The following TNIK variants were observed in gnomAD, a reference collection of about 807,000 sequenced individuals.
TNIK encodes TRAF2 and NCK-interacting protein kinase.
Under a neutral mutation model 191.3 loss-of-function variants are expected in TNIK, and 49 were observed. The observed-to-expected ratio is 0.26, with a 90% confidence interval of 0.20 to 0.32. TNIK has a LOEUF of 0.32. Ranked by LOEUF, TNIK falls within the 10% of genes least tolerant of loss-of-function variation. The probability of loss-of-function intolerance (pLI) is 1.00; values close to 1 mark genes in which losing one functional copy is unlikely to be tolerated. For synonymous variants in TNIK, 594 were observed against 600.9 expected, an observed-to-expected ratio of 0.99 and a Z score of 0.17; for missense variants, 1,155 against 1,702.3, an observed-to-expected ratio of 0.68 and a Z score of 5.66.
chr3:171,069,005 A>T lies in TNIK; in HGVS notation c.3550-8T>A. Reference sequence around the variant, plus strand: ...CTGGAGATCTGCAAAAGACTTTAAAAATCACCCCATTAGTATCCGCATCAC... The same window carrying T: ...CTGGAGATCTGCAAAAGACTTTAAATATCACCCCATTAGTATCCGCATCAC... On this transcript the variant is annotated splice_polypyrimidine_tract_variant and splice_region_variant and intron_variant, in intron 29 of 32. Transcript: ENST00000436636. 6.2e-7 allele frequency: 1 copy of T among 1,610,590 alleles called. No individual in the cohort carries two copies. The highest frequency in any genetic ancestry group is 8.5e-7 in the Non-Finnish European group (1 of 1,178,332).
At chr3:171,392,791 A>AAAAAAAAG (rs1719732676) in intron 1 of TNIK, among the ~76,000 whole-genome samples, 1 of 151,152 alleles carries the variant, frequency 6.6e-6, no homozygotes, top group Non-Finnish European at 1.5e-5. Context: ...AAAAAAAAAA[A>AAAAAAAAG]AAAAGAAAAG....
chr3:171,087,585 A>T (rs931076254), intron 23 of TNIK, 79 bp from the exon 24 acceptor site: 2 of 1,515,704 alleles, frequency 1.3e-6, no homozygotes, highest in African/African-American at 2.7e-5. Flanking sequence ...CACACAGCAT[A>T]GGCATACGGG....
chr3:171,407,537 C>T (rs553283355), intron 1 of TNIK, among the ~76,000 whole-genome samples: 2 of 152,240 alleles, frequency 1.3e-5, no homozygotes, highest in South Asian at 4.2e-4. Flanking sequence ...AATACTCTCC[C>T]AGCCCCTGTT....
intron 2 of TNIK, among the ~76,000 whole-genome samples, chr3:171,234,412 C>T (rs572833586): frequency 2.2e-4 from 33 of 152,302 alleles, no homozygotes; most frequent in African/African-American, 7.9e-4. Flanking sequence ...GGCTCCCAGA[C>T]TTGTGGCAGA....
At chr3:171,263,620 A>G (rs1747961704) in intron 2 of TNIK, among the ~76,000 whole-genome samples, 2 of 152,066 alleles carry the variant, frequency 1.3e-5, no homozygotes, top group African/African-American at 4.8e-5. Flanking sequence ...TTCCTTTAGG[A>G]ATTTTTCCTT....
In TNIK at chr3:171,079,596, G is replaced by A; in HGVS notation, c.3370C>T (p.His1124Tyr). Residue 1124 changes from histidine (H) to tyrosine (Y), a missense_variant, in exon 28 of 33, where the codon CAT becomes TAT. Physicochemically the swap from His to Tyr is moderately conservative, Grantham distance 83 (BLOSUM62 2). This residue lies in a region of TNIK where 195 missense variants were observed against 415.4 expected (regional missense o/e 0.47). Transcript: ENST00000436636. ...TTCTTTTCTACTTCTGGGTCATTAT[G>A]TAGTATTCTGTTTCTTAACCATGAA... The part of the protein sequence containing the change: ...YLSWLRNRIL[H>Y]NDPEVEKKQG... 1.9e-6 allele frequency: 3 copies of A among 1,613,546 alleles called. No homozygotes were observed. The highest frequency in any genetic ancestry group is 2.5e-6 in the Non-Finnish European group (3 of 1,179,702).
At chr3:171,330,438 T>C (rs1296045811) in intron 2 of TNIK, among the ~76,000 whole-genome samples, 2 of 152,206 alleles carry the variant, frequency 1.3e-5, no homozygotes, top group Admixed American at 6.5e-5. Context: ...CCAACCAAAT[T>C]GTCTCTTAAT....
chr3:171,290,663 A>G (rs1176554792), intron 2 of TNIK, among the ~76,000 whole-genome samples: 3 of 152,210 alleles, frequency 2.0e-5, no homozygotes, highest in African/African-American at 7.2e-5. Context: ...CTTTAAGAAA[A>G]GACAATCTCT....
intron 2 of TNIK, among the ~76,000 whole-genome samples, chr3:171,341,660 G>T (rs940854605): frequency 6.6e-6 from 1 of 152,080 alleles, no homozygotes; most frequent in East Asian, 1.9e-4. Flanking sequence ...AAAAAATAAC[G>T]TGATCATTTT....
chr3:171,302,633 C>A (rs1164092349), intron 2 of TNIK, among the ~76,000 whole-genome samples: 1 of 152,046 alleles, frequency 6.6e-6, no homozygotes, highest in African/African-American at 2.4e-5. Flanking sequence ...AGAGCATAGG[C>A]CTTAAATTCT....
intron 28 of TNIK, among the ~76,000 whole-genome samples, chr3:171,078,687 A>G (rs1341696421): frequency 6.6e-6 from 1 of 152,126 alleles, no homozygotes; most frequent in Non-Finnish European, 1.5e-5. Context: ...TGGTATAGAC[A>G]GGCTTATCTT....
At chr3:171,064,126 T>C in intron 32 of TNIK, 162 bp from the exon 33 acceptor site, 2 of 626,164 alleles carry the variant, frequency 3.2e-6, no homozygotes, top group Non-Finnish European at 5.6e-6. Flanking sequence ...TCGTGCATCC[T>C]ATGTAAAAAC....
At chr3:171,237,318 C>T (rs1744393824) in intron 2 of TNIK, among the ~76,000 whole-genome samples, 1 of 151,996 alleles carries the variant, frequency 6.6e-6, no homozygotes, top group South Asian at 2.1e-4. Flanking sequence ...TAGGGCCCAC[C>T]AAATCTAAAG....
chr3:171,219,017 C>T (rs1205309367), intron 3 of TNIK, among the ~76,000 whole-genome samples: 1 of 88,884 alleles, frequency 1.1e-5, no homozygotes. Context: ...TAAAATATTA[C>T]TATATTAGTG....
At chr3:171,299,060 G>C (rs13061469) in intron 2 of TNIK, among the ~76,000 whole-genome samples, 68,905 of 152,004 alleles carry the variant, frequency 0.45, 16,325 homozygotes, top group Non-Finnish European at 0.51. Context: ...AAGACAAGCA[G>C]CCTTGTGGGG....
intron 2 of TNIK, among the ~76,000 whole-genome samples, chr3:171,343,130 AG>A (rs58697797): frequency 0.24 from 36,564 of 152,076 alleles, 4,533 homozygotes; most frequent in Non-Finnish European, 0.26. Flanking sequence ...ACAACCCTCA[AG>A]GTAGAGTCTA....
intron 2 of TNIK, among the ~76,000 whole-genome samples, chr3:171,265,163 A>G (rs1748221436): frequency 6.6e-6 from 1 of 152,240 alleles, no homozygotes; most frequent in Middle Eastern, 3.2e-3. Context: ...GGCACCAGGA[A>G]GCAGAATATG....
At chr3:171,442,910 T>C (rs1224288026) in intron 1 of TNIK, among the ~76,000 whole-genome samples, 4 of 152,246 alleles carry the variant, frequency 2.6e-5, no homozygotes, top group African/African-American at 9.6e-5. Context: ...ATAAAAGCTG[T>C]TTATATTCAA....
At chr3:171,316,693 A>C (rs1488817376) in intron 2 of TNIK, among the ~76,000 whole-genome samples, 1 of 152,070 alleles carries the variant, frequency 6.6e-6, no homozygotes, top group Non-Finnish European at 1.5e-5. Context: ...GGAGAAGGGA[A>C]ATGATTTGCT....
Sources: gnomAD v4.1 joint callset for allele counts (sites outside exome capture counted in the v4.1 genomes callset) on GRCh38, gnomAD v4.1.1 for gene constraint, gnomAD v4.1.1 regional missense constraint, MANE v1.5 for transcripts, NCBI Gene and HGNC (gene_info 2026-07-23, HGNC 2026-07-21) for gene names.